The following CAB39 variants were observed in gnomAD, a reference collection of about 807,000 sequenced individuals.
The protein encoded by CAB39 is calcium binding protein 39, also known as calcium-binding protein 39.
CAB39 carries 8 observed loss-of-function variants against 40.0 expected under a neutral mutation model. That is an observed-to-expected ratio of 0.20 (90% confidence interval 0.12 to 0.36). The LOEUF is 0.36. CAB39 is among the 10% of genes least tolerant of loss of function. The probability of loss-of-function intolerance (pLI) is 1.00; values close to 1 mark genes in which losing one functional copy is unlikely to be tolerated. For missense variants in CAB39, 270 were observed against 401.1 expected (o/e 0.67, Z 2.79); for synonymous variants, 156 against 141.6 (o/e 1.10, Z -0.72).
At position 230,783,407 on chromosome 2, in the gene CAB39, G is replaced by A. The variant is rs73094707; in HGVS notation, c.115-7465G>A. Among the ~76,000 whole-genome samples, 863 of 151,510 alleles carry A rather than the reference G, an allele frequency of 5.7e-3. 7 individuals carry two copies. Among genetic ancestry groups the A allele is most frequent in the African/African-American group, 0.02 (810 of 41,332 alleles). On this transcript the variant is annotated intron_variant, in intron 2 of 8. Coordinates refer to ENST00000258418, the MANE Select transcript of CAB39 (RefSeq NM_016289.4). ...TTTCACATCTCAGGTGATTTATTTC[G>A]TTGCCCGTTCTTAGAGGGAAGTCTG...
intron 5 of CAB39, among the ~76,000 whole-genome samples, chr2:230,803,366 C>T (rs1291856709): frequency 2.0e-5 from 3 of 152,238 alleles, no homozygotes; most frequent in Non-Finnish European, 2.9e-5. Context: ...TGCCCTCTCT[C>T]ACCACTCCTA....
chr2:230,735,469 G>A (rs964552703), intron 1 of CAB39, among the ~76,000 whole-genome samples: 1 of 149,154 alleles, frequency 6.7e-6, no homozygotes, highest in African/African-American at 2.5e-5. Context: ...TCCCAGCTCA[G>A]CCATTATTTT....
At chr2:230,740,274 C>T (rs1030408202) in intron 1 of CAB39, among the ~76,000 whole-genome samples, 5 of 152,162 alleles carry the variant, frequency 3.3e-5, no homozygotes, top group African/African-American at 9.7e-5. Context: ...CCTATTCATA[C>T]TTTTAATAGG....
intron 4 of CAB39, among the ~76,000 whole-genome samples, 189 bp downstream of exon 4, chr2:230,793,520 C>T (rs1433631119): frequency 6.6e-6 from 1 of 152,150 alleles, no homozygotes; most frequent in East Asian, 1.9e-4. Flanking sequence ...AAATGCCCTA[C>T]AGGTGGGAAT....
chr2:230,773,314 A>ATATATATATATGTGTG (rs371297550), intron 2 of CAB39, among the ~76,000 whole-genome samples: 10 of 132,632 alleles, frequency 7.5e-5, no homozygotes, highest in African/African-American at 2.5e-4. Context: ...ATATATATAT[A>ATATATATATATGTGTG]TGTGTGTGTG....
At chr2:230,713,788 C>G (rs1694297756) in intron 1 of CAB39, 1 of 152,290 alleles carries the variant, frequency 6.6e-6, no homozygotes, top group African/African-American at 2.4e-5. Flanking sequence ...CGGCCCGCAC[C>G]GGAGGGATTC....
rs550857941 is a variant in CAB39, at chr2:230,762,161, G to A, written c.114+2046G>A. Reference sequence around the variant, plus strand: ...CACCTCAGGTGATCCACCAGCCTCAGCCTCCCAAAGTGCTGGGATTACAGG... The same window carrying A: ...CACCTCAGGTGATCCACCAGCCTCAACCTCCCAAAGTGCTGGGATTACAGG... On this transcript the variant is annotated intron_variant, in intron 2 of 8. Coordinates refer to ENST00000258418, the MANE Select transcript of CAB39 (RefSeq NM_016289.4). Among the ~76,000 whole-genome samples the A allele has an allele frequency of 3.3e-5, 5 of 152,270 alleles. No individual in the cohort carries two copies. The East Asian group carries it at 9.6e-4, about 29-fold the overall frequency.
chr2:230,782,228 T>G (rs777606207), intron 2 of CAB39, among the ~76,000 whole-genome samples: 2 of 152,214 alleles, frequency 1.3e-5, no homozygotes, highest in Non-Finnish European at 2.9e-5. Context: ...CTAAATTGCC[T>G]TCTCTTGTGA....
chr2:230,746,508 G>T (rs1575916883), intron 1 of CAB39, among the ~76,000 whole-genome samples: 1 of 152,184 alleles, frequency 6.6e-6, no homozygotes, highest in South Asian at 2.1e-4. Context: ...TCCATCTTGG[G>T]TATTACGTGA....
intron 1 of CAB39, among the ~76,000 whole-genome samples, chr2:230,750,237 T>C (rs1486951550): frequency 6.6e-6 from 1 of 152,196 alleles, no homozygotes; most frequent in Non-Finnish European, 1.5e-5. Flanking sequence ...AAGAGGTGAT[T>C]AGGTCGTTAA....
intron 2 of CAB39, among the ~76,000 whole-genome samples, chr2:230,761,463 A>G (rs1188407184): frequency 6.6e-6 from 1 of 152,158 alleles, no homozygotes; most frequent in African/African-American, 2.4e-5. Flanking sequence ...AGTTCAGGGT[A>G]ACTAAGCAGC....
intron 1 of CAB39, among the ~76,000 whole-genome samples, chr2:230,742,822 A>T (rs1288969540): frequency 6.6e-6 from 1 of 152,040 alleles, no homozygotes; most frequent in African/African-American, 2.4e-5. Flanking sequence ...GGAAAGGTTA[A>T]TAGGTCCTAG....
chr2:230,768,498 G>T (rs190616694), intron 2 of CAB39, among the ~76,000 whole-genome samples: 3 of 152,214 alleles, frequency 2.0e-5, no homozygotes, highest in African/African-American at 7.2e-5. Flanking sequence ...CTGTGAGCTT[G>T]TTGGCAGGGT....
At chr2:230,754,324 TC>T (rs1695143317) in intron 1 of CAB39, among the ~76,000 whole-genome samples, 1 of 139,976 alleles carries the variant, frequency 7.1e-6, no homozygotes, top group African/African-American at 3.3e-5. Flanking sequence ...TCTTCCTTCT[TC>T]CTTCTTCTTC....
intron 1 of CAB39, among the ~76,000 whole-genome samples, chr2:230,753,531 G>C (rs960536321): frequency 6.6e-6 from 1 of 152,122 alleles, no homozygotes; most frequent in African/African-American, 2.4e-5. Flanking sequence ...GAGGTGGGTA[G>C]ATCACGAGGT....
chr2:230,767,905 C>T (rs1207259290), intron 2 of CAB39, among the ~76,000 whole-genome samples: 1 of 152,098 alleles, frequency 6.6e-6, no homozygotes, highest in Non-Finnish European at 1.5e-5. Context: ...TTTTTCAAGT[C>T]TTTGCTCAAG....
chr2:230,782,727 C>T (rs903808137), intron 2 of CAB39, among the ~76,000 whole-genome samples: 9 of 151,922 alleles, frequency 5.9e-5, no homozygotes, highest in African/African-American at 9.7e-5. Context: ...ACAGTGTGGC[C>T]GTACTGTGAC....
chr2:230,799,496 TA>T (rs1696048432), intron 5 of CAB39, among the ~76,000 whole-genome samples: 3 of 152,216 alleles, frequency 2.0e-5, no homozygotes, highest in Non-Finnish European at 2.9e-5. Flanking sequence ...CCTTGGTGTA[TA>T]TTTGTATAAA....
Position 230,727,041 on chromosome 2 carries a change from G to A in CAB39, c.-44+13811G>A, listed in dbSNP as rs147816868. On this transcript the variant is annotated intron_variant, in intron 1 of 8. Transcript: ENST00000258418. ...AATAAGAAATACGGAGAGGGAAGAG[G>A]AACAAGACATAGGAGTATATCCAGA... is the stretch of plus-strand genomic sequence containing the variant. Among the ~76,000 whole-genome samples the A allele has an allele frequency of 5.9e-5, 9 of 151,756 alleles. No individual in the cohort carries two copies. In the East Asian group the frequency reaches 1.7e-3, roughly 29 times the overall value.
Sources: allele counts gnomAD v4.1 joint callset (sites outside exome capture counted in the v4.1 genomes callset), GRCh38; gene constraint gnomAD v4.1.1; transcripts MANE v1.5; gene names NCBI Gene and HGNC (gene_info 2026-07-23, HGNC 2026-07-21).